Variants in CDK10 observed in about 807,000 individuals in gnomAD.
CDK10 encodes cyclin-dependent kinase 10.
CDK10 carries 55 observed loss-of-function variants against 51.0 expected under a neutral mutation model. The observed-to-expected ratio is 1.08, with a 90% CI of 0.87 to 1.35. CDK10 has a LOEUF of 1.35. Ranked by LOEUF, CDK10 falls within the 40% of genes most tolerant of loss-of-function variation. CDK10 has a pLI of 0.00. For synonymous variants in CDK10, 255 were observed against 199.1 expected (o/e 1.28, Z -2.36); for missense variants, 589 against 485.1 (o/e 1.21, Z -2.01).
chr16:89,692,391 G>C, intron 5 of CDK10, 58 bp from the exon 6 acceptor site: 4 of 1,352,388 alleles, frequency 3.0e-6, no homozygotes, highest in Non-Finnish European at 4.0e-6. Flanking sequence ...GTGTGGCAGG[G>C]CCCAGCTGGG....
At position 89,687,165 on chromosome 16, in the gene CDK10, G is replaced by A. The variant is rs116291542; in HGVS notation, c.87+368G>A. ...TTGTTTGTGGGGAGAATTTACACCC[G>A]CGACGAGTTCGAGCTTGAAGGCTCC... On this transcript the variant is annotated intron_variant, in intron 1 of 12. Transcript: ENST00000353379. The A allele has an allele frequency of 2.3e-3, 515 of 219,422 alleles. 2 individuals are homozygous for A. The highest frequency in any genetic ancestry group is 0.011 in the African/African-American group (490 of 43,720). 13.6% of individuals were successfully genotyped at this position (219,422 alleles called of 1,614,324 possible). A position where few individuals can be genotyped will look rare whatever the true frequency, so the allele number is the denominator to read the frequency against.
chr16:89,687,121 A>G, intron 1 of CDK10: 1 of 236,438 alleles, frequency 4.2e-6, no homozygotes, highest in Non-Finnish European at 8.2e-6. Flanking sequence ...TGGGCTTTGC[A>G]GGCTGAGCCG....
chr16:89,690,358 A>G (rs2060387015), intron 2 of CDK10, 195 bp from the exon 3 acceptor site: 1 of 603,316 alleles, frequency 1.7e-6, no homozygotes, highest in Non-Finnish European at 3.0e-6. Context: ...GCCCAGTTCA[A>G]ATGAGGAAAC....
chr16:89,692,093 T>TA, intron 5 of CDK10: 1 of 602,190 alleles, frequency 1.7e-6, no homozygotes. Context: ...CCGAGAGCCT[T>TA]ATGAGGGCAC....
At position 89,695,087 on chromosome 16, in the gene CDK10, G is replaced by C. The variant is rs555214500; in HGVS notation, c.932+17G>C. ...TAAGAAAAGGTGCTGATCTCTGCAC[G>C]GGGGGCAGGGACCCTCACCACCCAC... On this transcript the variant is annotated intron_variant, in intron 11 of 12. Coordinates refer to ENST00000353379, the MANE Select transcript of CDK10 (RefSeq NM_052988.5). The C allele has an allele frequency of 1.9e-6, 3 of 1,605,176 alleles. No homozygotes were observed. Among genetic ancestry groups the C allele is most frequent in the African/African-American group, 2.7e-5 (2 of 74,798 alleles).
At position 89,695,588 on chromosome 16, in the gene CDK10, C is replaced by A; in HGVS notation, c.986-7C>A. ...CCCCGCCCAGCACTGAACCCTTCTC[C>A]CTGCAGCCTGTGAGCCGGAGCTCAT... On this transcript the variant is annotated splice_region_variant and splice_polypyrimidine_tract_variant and intron_variant, in intron 12 of 12. Coordinates refer to ENST00000353379, the MANE Select transcript of CDK10 (RefSeq NM_052988.5). 1 of 1,600,082 alleles carries A rather than the reference C, an allele frequency of 6.2e-7. No homozygotes were observed. Among genetic ancestry groups the A allele is most frequent in the East Asian group, 2.3e-5 (1 of 43,920 alleles).
chr16:89,692,021 G>A (rs762260257), intron 5 of CDK10, 134 bp downstream of exon 5: 22 of 718,192 alleles, frequency 3.1e-5, no homozygotes, highest in Middle Eastern at 2.8e-4. Flanking sequence ...GTGTTTCAGC[G>A]AGCTTCAGTG....
At position 89,695,346 on chromosome 16, in the gene CDK10, G is replaced by T; in HGVS notation, c.985+1G>T. On this transcript the variant is annotated splice_donor_variant, in intron 12 of 12. Coordinates refer to ENST00000353379, the MANE Select transcript of CDK10 (RefSeq NM_052988.5). LOFTEE classifies it high-confidence loss of function. ...TCCTATTTCAAGGAGAAGCCCCTAC[G>T]TGAGTGTGCAGGGTTCCTGACTCGC... 6.2e-7 allele frequency: 1 copy of T among 1,612,346 alleles called. No homozygotes were observed. Among genetic ancestry groups the T allele is most frequent in the Non-Finnish European group, 8.5e-7 (1 of 1,178,890 alleles).
At position 89,690,415 on chromosome 16, in the gene CDK10, G is replaced by A. The variant is rs1162734281; in HGVS notation, c.161-138G>A. ...GGCTAGGGGCGTTGCACAGAGTGGG[G>A]ACTGAGTGTCACTGGGCATGAGGTT... On this transcript the variant is annotated intron_variant, in intron 2 of 12. Transcript: ENST00000353379. 4 of 727,050 alleles carry A rather than the reference G, an allele frequency of 5.5e-6. No individual in the cohort carries two copies. In the Admixed American group the frequency reaches 5.9e-5, roughly 11 times the overall value. 45.0% of individuals were successfully genotyped at this position (727,050 alleles called of 1,614,324 possible). A position where few individuals can be genotyped will look rare whatever the true frequency, so the allele number is the denominator to read the frequency against.
At chr16:89,691,341 C>T (rs925349077) in intron 3 of CDK10, 102 bp from the exon 4 acceptor site, 26 of 783,668 alleles carry the variant, frequency 3.3e-5, no homozygotes, top group Non-Finnish European at 4.9e-5. Context: ...GGGGACACTG[C>T]AGCACCTGCT....
chr16:89,695,462 G>A (rs1046931797), intron 12 of CDK10, 117 bp downstream of exon 12: 3 of 1,469,852 alleles, frequency 2.0e-6, no homozygotes, highest in African/African-American at 2.8e-5. Flanking sequence ...CCTTTCTGGG[G>A]TAAGAGGACA....
intron 5 of CDK10, 24 bp downstream of exon 5, chr16:89,691,911 TG>T: frequency 6.2e-7 from 1 of 1,600,382 alleles, no homozygotes. Context: ...GGGCCTGGGG[TG>T]GGGGAATGGG....
In CDK10 at chr16:89,691,838, A is replaced by G; in HGVS notation, c.368A>G (p.Asp123Gly). 1 of 1,613,788 alleles carries G rather than the reference A, an allele frequency of 6.2e-7. No homozygotes were observed. The highest frequency in any genetic ancestry group is 1.1e-5 in the South Asian group (1 of 91,052). The change falls in exon 5 of 13, where the codon GAC (aspartate) becomes GGC (glycine). Residue 123 changes from aspartate (D) to glycine (G), a missense_variant. Asp to Gly is a moderately conservative substitution (Grantham distance 94). Coordinates refer to ENST00000353379, the MANE Select transcript of CDK10 (RefSeq NM_052988.5). ...IFLVMGYCEQDLASLLENMPT... is the reference protein window; with the variant it reads ...IFLVMGYCEQGLASLLENMPT... Reference sequence around the variant, plus strand: ...CTGGTGATGGGTTACTGTGAGCAGGACCTGGCCAGCCTCCTGGAGAATATG... The same window carrying G: ...CTGGTGATGGGTTACTGTGAGCAGGGCCTGGCCAGCCTCCTGGAGAATATG...
intron 8 of CDK10, chr16:89,693,911 C>T (rs956466741): frequency 7.1e-5 from 42 of 588,840 alleles, no homozygotes; most frequent in East Asian, 3.1e-4. Context: ...CATCTGAGAA[C>T]GGGTTGGTAG....
In CDK10 at chr16:89,691,844, C is replaced by T; in HGVS notation, c.374C>T (p.Ala125Val). 1 of 1,613,968 alleles carries T rather than the reference C, an allele frequency of 6.2e-7. No homozygotes were observed. Among genetic ancestry groups the T allele is most frequent in the Non-Finnish European group, 8.5e-7 (1 of 1,179,968 alleles). The change falls in exon 5 of 13, where the codon GCC becomes GTC. Residue 125 changes from alanine (A) to valine (V), a missense_variant. Transcript: ENST00000353379. ...LVMGYCEQDL[A>V]SLLENMPTPF... ...ATGGGTTACTGTGAGCAGGACCTGG[C>T]CAGCCTCCTGGAGAATATGCCAACA...
In CDK10 at chr16:89,695,676, A is replaced by G. The variant is rs1018626333; in HGVS notation, c.1067A>G (p.Lys356Arg). 3.8e-6 allele frequency: 6 copies of G among 1,599,644 alleles called. No individual in the cohort carries two copies. In the Admixed American group the frequency reaches 8.5e-5, roughly 23 times the overall value. The stretch of plus-strand genomic sequence containing the variant: ...CCAGCCACCTCCGAGGGCCAGAGCA[A>G]GCGCTGTAAACCCTGACGGTGGGCC... ...AAPATSEGQSKRCKP is the reference protein window; with the variant it reads ...AAPATSEGQSRRCKP Residue 356 changes from lysine to arginine, a missense_variant, in exon 13 of 13, where the codon AAG becomes AGG. Physicochemically the swap from Lys to Arg is conservative, Grantham distance 26 (BLOSUM62 2). Coordinates refer to ENST00000353379, the MANE Select transcript of CDK10 (RefSeq NM_052988.5).
At position 89,690,564 on chromosome 16, in the gene CDK10, G is replaced by A. The variant is rs1041882885; in HGVS notation, c.172G>A (p.Asp58Asn). The A allele has an allele frequency of 6.2e-7, 1 of 1,614,132 alleles. No individual in the cohort carries two copies. Among genetic ancestry groups the A allele is most frequent in the Non-Finnish European group, 8.5e-7 (1 of 1,180,004 alleles). ...GTYGIVYRAR[D>N]TQTDEIVALK... is the part of the protein sequence containing the mutation. Reference sequence around the variant, plus strand: ...TGTTTCCATTCCAGATCGGGCCCGGGACACCCAGACAGATGAGATTGTCGC... The same window carrying A: ...TGTTTCCATTCCAGATCGGGCCCGGAACACCCAGACAGATGAGATTGTCGC... The change falls in exon 3 of 13, where the codon GAC (aspartate) becomes AAC (asparagine). Residue 58 changes from aspartate to asparagine, a missense_variant. Transcript: ENST00000353379.
chr16:89,695,716 A>G lies in CDK10; in HGVS notation c.*24A>G. 1 of 1,591,822 alleles carries G rather than the reference A, an allele frequency of 6.3e-7. No individual in the cohort carries two copies. The highest frequency in any genetic ancestry group is 8.5e-7 in the Non-Finnish European group (1 of 1,171,652). On this transcript the variant is annotated 3_prime_UTR_variant, in exon 13 of 13. Transcript: ENST00000353379. ...GACGGTGGGCCTGGCACACGCCTGT[A>G]TTCCCACACCAGGTCTTCCGATCAG...
In CDK10 at chr16:89,689,583, G is replaced by A. The variant is rs1264723457; in HGVS notation, c.160+259G>A. 3 of 449,390 alleles carry A rather than the reference G, an allele frequency of 6.7e-6. No homozygotes were observed. The East Asian group carries it at 1.2e-4, about 17-fold the overall frequency. The allele number at this position is 449,390 out of a possible 1,614,324, so 27.8% of individuals were successfully genotyped here. A position where few individuals can be genotyped will look rare whatever the true frequency, so the allele number is the denominator to read the frequency against. ...CTGCAGAGTACACAGAACTGTTAGA[G>A]AAATAAAATACAGAACTTTCCAGAA... On this transcript the variant is annotated intron_variant, in intron 2 of 12. Transcript: ENST00000353379.
Sources: gnomAD v4.1 joint callset for allele counts on GRCh38, gnomAD v4.1.1 for gene constraint, MANE v1.5 for transcripts, NCBI Gene and HGNC (gene_info 2026-07-23, HGNC 2026-07-21) for gene names.